HBS1L: variants seen among roughly 807,000 people sequenced by gnomAD.
HBS1L encodes the protein HBS1-like protein.
In HBS1L, 55 loss-of-function variants were observed where a neutral mutation model predicts 88.9. The observed-to-expected ratio is 0.62, with a 90% CI of 0.50 to 0.77. The LOEUF is 0.77. Among genes scored for constraint, HBS1L ranks in the 30% least tolerant of loss-of-function variants. The pLI is 0.00. For synonymous variants in HBS1L, 267 were observed against 288.5 expected, an observed-to-expected ratio of 0.93 and a Z score of 0.76; for missense variants, 741 against 829.3, an observed-to-expected ratio of 0.89 and a Z score of 1.31.
intron 4 of HBS1L, chr6:135,038,018 A>G: frequency 6.6e-7 from 1 of 1,510,588 alleles, no homozygotes; most frequent in African/African-American, 1.4e-5. Flanking sequence ...GAAGAAGAAA[A>G]TAAGACTCCT....
chr6:135,002,944 G>A (rs1583098736), intron 4 of HBS1L, 102 bp from the exon 5 acceptor site: 2 of 699,028 alleles, frequency 2.9e-6, no homozygotes, highest in Non-Finnish European at 4.8e-6. Context: ...AACTTTCACA[G>A]AATTAATGTC....
At chr6:134,992,649 A>G (rs562961137) in intron 8 of HBS1L, among the ~76,000 whole-genome samples, 37 of 152,328 alleles carry the variant, frequency 2.4e-4, no homozygotes, top group Middle Eastern at 6.8e-3. Context: ...GAATAAGACT[A>G]TACAGAAAGA....
At chr6:135,034,352 A>T (rs1203602436) in intron 4 of HBS1L, among the ~76,000 whole-genome samples, 1 of 152,254 alleles carries the variant, frequency 6.6e-6, no homozygotes, top group Non-Finnish European at 1.5e-5. Context: ...TTTCATTAAA[A>T]AAAATATTTG....
intron 15 of HBS1L, among the ~76,000 whole-genome samples, chr6:134,975,233 A>C (rs573110357): frequency 2.0e-5 from 3 of 152,300 alleles, no homozygotes; most frequent in African/African-American, 7.2e-5. Context: ...TTACAAGGAG[A>C]ACTACAAAAC....
chr6:134,998,572 G>C (rs928525998), intron 5 of HBS1L, among the ~76,000 whole-genome samples: 1 of 152,220 alleles, frequency 6.6e-6, no homozygotes, highest in Non-Finnish European at 1.5e-5. Flanking sequence ...ACTCTATGTG[G>C]AGCTGGCAAA....
At chr6:134,971,312 C>T (rs1774480474) in intron 15 of HBS1L, among the ~76,000 whole-genome samples, 4 of 152,080 alleles carry the variant, frequency 2.6e-5, no homozygotes, top group South Asian at 4.1e-4. Context: ...TTAACCAGTA[C>T]CAATATAACA....
intron 5 of HBS1L, among the ~76,000 whole-genome samples, chr6:135,001,303 TTTA>T (rs1337146737): frequency 6.6e-6 from 1 of 152,180 alleles, no homozygotes; most frequent in African/African-American, 2.4e-5. Flanking sequence ...ATGCACATTA[TTTA>T]TTGATACATT....
At chr6:135,048,710 A>G (rs1776988859) in intron 2 of HBS1L, among the ~76,000 whole-genome samples, 1 of 152,250 alleles carries the variant, frequency 6.6e-6, no homozygotes, top group South Asian at 2.1e-4. Flanking sequence ...CCTCATTAAC[A>G]ACTTTTGATG....
At chr6:135,034,946 T>C (rs1314019976) in intron 4 of HBS1L, among the ~76,000 whole-genome samples, 1 of 152,242 alleles carries the variant, frequency 6.6e-6, no homozygotes, top group African/African-American at 2.4e-5. Flanking sequence ...CTTCAGCATA[T>C]ATGGAGTGAA....
chr6:135,004,810 T>C (rs1043959263), intron 4 of HBS1L, among the ~76,000 whole-genome samples: 2 of 152,156 alleles, frequency 1.3e-5, no homozygotes, highest in African/African-American at 4.8e-5. Flanking sequence ...TTGGTTGACC[T>C]CAAAGGAGAG....
At chr6:135,028,806 T>C (rs192238739) in intron 4 of HBS1L, among the ~76,000 whole-genome samples, 1 of 152,186 alleles carries the variant, frequency 6.6e-6, no homozygotes, top group African/African-American at 2.4e-5. Context: ...GGAGACAGTA[T>C]TTTTTTCCTT....
At chr6:134,980,729 C>T (rs1774805432) in intron 13 of HBS1L, among the ~76,000 whole-genome samples, 1 of 150,258 alleles carries the variant, frequency 6.7e-6, no homozygotes, top group Admixed American at 6.7e-5. Flanking sequence ...TTTTTTAATA[C>T]TCTATGAGCT....
chr6:134,999,666 T>A (rs1006464290), intron 5 of HBS1L, among the ~76,000 whole-genome samples: 1 of 152,128 alleles, frequency 6.6e-6, no homozygotes, highest in South Asian at 2.1e-4. Flanking sequence ...CAGGCTGGTA[T>A]TGAACTCCTG....
intron 1 of HBS1L, among the ~76,000 whole-genome samples, chr6:135,052,935 T>G (rs1217288635): frequency 2.0e-5 from 3 of 152,188 alleles, no homozygotes; most frequent in Non-Finnish European, 4.4e-5. Context: ...CTTAACAGAA[T>G]TTTTAAATTA....
At chr6:135,012,720 C>T (rs963566895) in intron 4 of HBS1L, among the ~76,000 whole-genome samples, 1 of 152,204 alleles carries the variant, frequency 6.6e-6, no homozygotes, top group East Asian at 1.9e-4. Flanking sequence ...TGTTTTCTCA[C>T]ATGCATGGCC....
intron 12 of HBS1L, among the ~76,000 whole-genome samples, chr6:134,984,001 T>C (rs1374665273): frequency 6.6e-6 from 1 of 152,084 alleles, no homozygotes; most frequent in African/African-American, 2.4e-5. Flanking sequence ...TGAAAGTGTA[T>C]ATTGACTTTG....
intron 4 of HBS1L, among the ~76,000 whole-genome samples, chr6:135,010,265 A>G (rs2114833210): frequency 1.3e-5 from 2 of 152,326 alleles, no homozygotes; most frequent in South Asian, 4.1e-4. Flanking sequence ...CGGATATTTC[A>G]GAGACTGAGT....
At chr6:135,039,412 A>G (rs1397647741) in intron 4 of HBS1L, among the ~76,000 whole-genome samples, 161 bp downstream of exon 4, 1 of 152,216 alleles carries the variant, frequency 6.6e-6, no homozygotes, top group Non-Finnish European at 1.5e-5. Flanking sequence ...CATCCTAAAA[A>G]TCCACAACTA....
chr6:135,038,378 C>CA (rs1295037454), intron 4 of HBS1L, among the ~76,000 whole-genome samples: 19 of 146,750 alleles, frequency 1.3e-4, no homozygotes, highest in South Asian at 2.2e-4. Flanking sequence ...TTTAAAAAAA[C>CA]AAAAAAAACT....
Sources: gnomAD v4.1 joint callset for allele counts (sites outside exome capture counted in the v4.1 genomes callset) on GRCh38, gnomAD v4.1.1 for gene constraint, MANE v1.5 for transcripts, NCBI Gene and HGNC (gene_info 2026-07-23, HGNC 2026-07-21) for gene names.